ATG16L1: variants seen among roughly 807,000 people sequenced by gnomAD.
ATG16L1 encodes autophagy related 16 like 1.
Under a neutral mutation model 88.5 loss-of-function variants are expected in ATG16L1, and 37 were observed. That is an observed-to-expected ratio of 0.42 (90% CI 0.32 to 0.55). The LOEUF (loss-of-function observed/expected upper bound fraction) is 0.55, where lower values mean the gene tolerates loss of function less well. Ranked by LOEUF, ATG16L1 falls within the 20% of genes least tolerant of loss-of-function variation. The probability of loss-of-function intolerance (pLI) is 0.13; values close to 1 mark genes in which losing one functional copy is unlikely to be tolerated. For missense variants in ATG16L1, 554 were observed against 752.8 expected (o/e 0.74, Z 3.09); for synonymous variants, 301 against 281.0 (o/e 1.07, Z -0.71).
chr2:233,268,398 G>T (rs1434659202), intron 5 of ATG16L1, among the ~76,000 whole-genome samples: 1 of 152,218 alleles, frequency 6.6e-6, no homozygotes, highest in Admixed American at 6.5e-5. Context: ...AGCGGAGATT[G>T]CAGTGAGCCG....
chr2:233,279,059 T>TC (rs1698557546), intron 10 of ATG16L1, among the ~76,000 whole-genome samples: 2 of 152,126 alleles, frequency 1.3e-5, no homozygotes, highest in African/African-American at 4.8e-5. Context: ...GCACTTGCAG[T>TC]CCCAGCTTCC....
intron 1 of ATG16L1, among the ~76,000 whole-genome samples, chr2:233,252,993 C>T (rs1186345719): frequency 1.3e-5 from 2 of 152,172 alleles, no homozygotes; most frequent in African/African-American, 2.4e-5. Context: ...ATTAGAATCA[C>T]CTATGGATCT....
At chr2:233,263,262 T>A in intron 3 of ATG16L1, 27 bp downstream of exon 3, 1 of 1,593,606 alleles carries the variant, frequency 6.3e-7, no homozygotes, top group Non-Finnish European at 8.6e-7. Context: ...TCCTCATCTG[T>A]CTTCTGCCCT....
At chr2:233,284,773 A>G (rs1698969835) in intron 12 of ATG16L1, among the ~76,000 whole-genome samples, 1 of 152,206 alleles carries the variant, frequency 6.6e-6, no homozygotes, top group African/African-American at 2.4e-5. Context: ...CCTGGCCCAG[A>G]TGAATTTCTT....
At chr2:233,256,581 A>G (rs1415064776) in intron 2 of ATG16L1, among the ~76,000 whole-genome samples, 1 of 152,158 alleles carries the variant, frequency 6.6e-6, no homozygotes, top group Non-Finnish European at 1.5e-5. Flanking sequence ...GCACATACGT[A>G]AAAATTGCTT....
chr2:233,259,887 A>C (rs370275204), intron 2 of ATG16L1, among the ~76,000 whole-genome samples: 3 of 152,150 alleles, frequency 2.0e-5, no homozygotes, highest in East Asian at 1.9e-4. Flanking sequence ...TTATCTTCTT[A>C]TTCCCAGACT....
intron 8 of ATG16L1, 107 bp downstream of exon 8, chr2:233,273,884 G>A: frequency 6.6e-7 from 1 of 1,506,210 alleles, no homozygotes; most frequent in Non-Finnish European, 9.1e-7. Flanking sequence ...GTGATGCAGA[G>A]TATACATATG....
chr2:233,275,419 A>T (rs975925013), intron 9 of ATG16L1: 1 of 309,566 alleles, frequency 3.2e-6, no homozygotes, highest in Non-Finnish European at 6.4e-6. Flanking sequence ...AAAGAACAGA[A>T]CCTGGAGAGT....
At chr2:233,256,757 C>T (rs756586243) in intron 2 of ATG16L1, among the ~76,000 whole-genome samples, 5 of 151,080 alleles carry the variant, frequency 3.3e-5, no homozygotes, top group Non-Finnish European at 5.9e-5. Context: ...TACAGTGGCA[C>T]GATCTCAGCT....
intron 12 of ATG16L1, among the ~76,000 whole-genome samples, chr2:233,285,031 G>C (rs1309278357): frequency 6.6e-6 from 1 of 152,220 alleles, no homozygotes; most frequent in African/African-American, 2.4e-5. Flanking sequence ...ACGGACTAGG[G>C]AAGTGCACTG....
chr2:233,268,297 A>G (rs778277726), intron 5 of ATG16L1, among the ~76,000 whole-genome samples: 5 of 152,190 alleles, frequency 3.3e-5, no homozygotes, highest in Middle Eastern at 3.2e-3. Context: ...CTCTACTACT[A>G]AAAACACAAA....
At chr2:233,261,166 A>C (rs544926070) in intron 2 of ATG16L1, among the ~76,000 whole-genome samples, 2 of 152,140 alleles carry the variant, frequency 1.3e-5, no homozygotes, top group Admixed American at 6.6e-5. Flanking sequence ...CGTGTTAGCC[A>C]GGATGATCTC....
intron 9 of ATG16L1, chr2:233,277,188 A>C (rs1698430665): frequency 6.2e-6 from 1 of 161,614 alleles, no homozygotes; most frequent in Non-Finnish European, 1.4e-5. Flanking sequence ...ATTAGTAATT[A>C]CTAGTAGATC....
chr2:233,253,332 G>GTTTTT (rs570754671), intron 1 of ATG16L1, among the ~76,000 whole-genome samples: 1,422 of 112,688 alleles, frequency 0.013, 131 homozygotes, highest in South Asian at 0.018. Context: ...GTGAGACTGG[G>GTTTTT]TTTTTTTGTT....
chr2:233,252,691 C>T (rs1394662695), intron 1 of ATG16L1, among the ~76,000 whole-genome samples: 3 of 152,120 alleles, frequency 2.0e-5, no homozygotes, highest in African/African-American at 4.8e-5. Context: ...CCCGGCCCCA[C>T]CTTGGTGTTA....
At chr2:233,257,107 G>A (rs1390504799) in intron 2 of ATG16L1, among the ~76,000 whole-genome samples, 1 of 151,850 alleles carries the variant, frequency 6.6e-6, no homozygotes, top group Non-Finnish European at 1.5e-5. Context: ...TGGGCTCAGT[G>A]CAAGCTCCGC....
intron 8 of ATG16L1, 86 bp downstream of exon 8, chr2:233,273,863 A>G: frequency 6.5e-7 from 1 of 1,530,006 alleles, no homozygotes; most frequent in Non-Finnish European, 9.0e-7. Flanking sequence ...TTAAATGTAC[A>G]CCAGGTGTCA....
chr2:233,284,490 C>T (rs1483929786), intron 12 of ATG16L1, among the ~76,000 whole-genome samples: 3 of 152,182 alleles, frequency 2.0e-5, no homozygotes, highest in Non-Finnish European at 2.9e-5. Flanking sequence ...TGCCACCACA[C>T]CTGGCTAATT....
intron 9 of ATG16L1, chr2:233,275,288 G>A (rs527859111): frequency 4.6e-6 from 1 of 218,334 alleles, no homozygotes; most frequent in African/African-American, 2.3e-5. Context: ...CTGGGTCCTA[G>A]TACTAGCAGG....
Sources: allele counts gnomAD v4.1 joint callset (sites outside exome capture counted in the v4.1 genomes callset), GRCh38; gene constraint gnomAD v4.1.1; transcripts MANE v1.5; gene names NCBI Gene and HGNC (gene_info 2026-07-23, HGNC 2026-07-21).